Variants in CRYL1 observed in about 807,000 individuals in gnomAD.
CRYL1 encodes crystallin lambda 1.
CRYL1 carries 29 observed loss-of-function variants against 36.6 expected under a neutral mutation model. That is an observed-to-expected ratio of 0.79 (90% confidence interval 0.59 to 1.08). CRYL1 has a LOEUF of 1.08. Ranked by LOEUF, CRYL1 falls within the 50% of genes least tolerant of loss-of-function variation. The pLI is 0.00. For synonymous variants in CRYL1, 152 were observed against 151.5 expected (o/e 1.00, Z -0.02); for missense variants, 411 against 407.9 (o/e 1.01, Z -0.06).
intron 3 of CRYL1, among the ~76,000 whole-genome samples, chr13:20,482,557 G>A (rs1436294353): frequency 6.6e-6 from 1 of 152,208 alleles, no homozygotes; most frequent in Non-Finnish European, 1.5e-5. Flanking sequence ...TTTCTTTCTT[G>A]CGTGCTCCCG....
At chr13:20,523,995 C>T (rs746310003) in intron 1 of CRYL1, among the ~76,000 whole-genome samples, 7 of 152,182 alleles carry the variant, frequency 4.6e-5, no homozygotes, top group African/African-American at 9.7e-5. Context: ...CAAGGTGGCT[C>T]ACAACTGTAA....
intron 1 of CRYL1, among the ~76,000 whole-genome samples, chr13:20,516,594 C>A (rs2034002599): frequency 6.6e-6 from 1 of 152,042 alleles, no homozygotes; most frequent in Non-Finnish European, 1.5e-5. Context: ...ATTCTCCTGC[C>A]TCAGCCTCCC....
In CRYL1 at chr13:20,525,648, C is replaced by T. The variant is rs1035058750; in HGVS notation, c.41+106G>A. On this transcript the variant is annotated intron_variant, in intron 1 of 7. Coordinates refer to ENST00000298248, the MANE Select transcript of CRYL1 (RefSeq NM_015974.3). The surrounding 1 kb of genome is among the most constrained non-coding windows in gnomAD (Gnocchi z 4.3). The stretch of plus-strand genomic sequence containing the variant: ...GGCTTCGGAGGACCGGAGGCCGGGG[C>T]GGGGACAGCGACCCGGCGCCCACCC... 4.8e-5 allele frequency: 45 copies of T among 928,736 alleles called. No homozygotes were observed. Among genetic ancestry groups the T allele is most frequent in the Non-Finnish European group, 6.2e-5 (44 of 706,588 alleles). The allele number at this position is 928,736 out of a possible 1,614,324, so 57.5% of individuals were successfully genotyped here.
At chr13:20,499,383 T>C (rs1377261523) in intron 2 of CRYL1, among the ~76,000 whole-genome samples, 1 of 146,548 alleles carries the variant, frequency 6.8e-6, no homozygotes, top group Non-Finnish European at 1.5e-5. Flanking sequence ...GCGCAGTGGC[T>C]CATGCCTTTA....
Position 20,525,151 on chromosome 13 carries a change from T to G in CRYL1, c.41+603A>C, listed in dbSNP as rs143890141. Among the ~76,000 whole-genome samples the G allele has an allele frequency of 2.3e-3, 355 of 152,130 alleles. No individual in the cohort carries two copies. The highest frequency in any genetic ancestry group is 3.9e-3 in the Non-Finnish European group (267 of 67,960). On this transcript the variant is annotated intron_variant, in intron 1 of 7. Coordinates refer to ENST00000298248, the MANE Select transcript of CRYL1 (RefSeq NM_015974.3). This position sits in a 1 kb window ranked among gnomAD's most constrained non-coding sequence, Gnocchi z 4.3. ...TCTCTGGGCTCCATCGGCCCCCACC[T>G]CCCCTCTGGAAACATCGCCTCGCCC...
intron 2 of CRYL1, among the ~76,000 whole-genome samples, chr13:20,507,711 G>A (rs955588409): frequency 2.6e-5 from 4 of 152,236 alleles, no homozygotes; most frequent in Admixed American, 6.5e-5. Flanking sequence ...AAGGTCAGGA[G>A]ATCGAGACCA....
intron 5 of CRYL1, 87 bp downstream of exon 5, chr13:20,432,015 A>T: frequency 1.2e-6 from 2 of 1,604,448 alleles, no homozygotes; most frequent in Non-Finnish European, 8.5e-7. Flanking sequence ...CCAAGGAACA[A>T]CTTTCACTGT....
chr13:20,515,386 G>A (rs17052914), intron 1 of CRYL1, among the ~76,000 whole-genome samples: 3,776 of 152,182 alleles, frequency 0.025, 160 homozygotes, highest in African/African-American at 0.085. Context: ...CAACCAACTC[G>A]TGCCGTAAAA....
At chr13:20,452,330 A>G (rs2032588921) in intron 3 of CRYL1, among the ~76,000 whole-genome samples, 1 of 152,172 alleles carries the variant, frequency 6.6e-6, no homozygotes, top group Admixed American at 6.5e-5. Context: ...GATAGGTCAA[A>G]AGTAAAAGAA....
At chr13:20,452,904 G>A (rs1334868542) in intron 3 of CRYL1, among the ~76,000 whole-genome samples, 1 of 152,082 alleles carries the variant, frequency 6.6e-6, no homozygotes, top group Non-Finnish European at 1.5e-5. Flanking sequence ...CATATTTTGG[G>A]TATTAAATAC....
chr13:20,412,371 A>G (rs1273463829), intron 6 of CRYL1, among the ~76,000 whole-genome samples: 2 of 152,062 alleles, frequency 1.3e-5, no homozygotes, highest in African/African-American at 4.8e-5. Context: ...TGCATACAAT[A>G]TTTCTTTTCT....
At chr13:20,477,888 A>ATAAT (rs10630195) in intron 3 of CRYL1, among the ~76,000 whole-genome samples, 106,917 of 144,570 alleles carry the variant, frequency 0.74, 39,720 homozygotes, top group East Asian at 0.8. Flanking sequence ...ATATAATACT[A>ATAAT]TACTATAAAT....
At chr13:20,447,533 C>A (rs2032482709) in intron 3 of CRYL1, among the ~76,000 whole-genome samples, 1 of 151,872 alleles carries the variant, frequency 6.6e-6, no homozygotes, top group South Asian at 2.1e-4. Context: ...CCTCCCTAGG[C>A]TGACAAGTAT....
intron 3 of CRYL1, among the ~76,000 whole-genome samples, chr13:20,473,311 A>G (rs1284433704): frequency 6.6e-6 from 1 of 152,166 alleles, no homozygotes; most frequent in Non-Finnish European, 1.5e-5. Context: ...GGAGCGTCGG[A>G]CTTTAAGGAG....
intron 2 of CRYL1, among the ~76,000 whole-genome samples, chr13:20,498,278 C>T (rs1436919238): frequency 1.2e-5 from 1 of 85,738 alleles, no homozygotes; most frequent in Non-Finnish European, 2.6e-5. Context: ...ATACACACTA[C>T]ACACACACCA....
At chr13:20,519,951 C>T (rs1032443321) in intron 1 of CRYL1, among the ~76,000 whole-genome samples, 1 of 152,196 alleles carries the variant, frequency 6.6e-6, no homozygotes, top group Non-Finnish European at 1.5e-5. Context: ...AGTTTTAAAA[C>T]AGTCCATATC....
At chr13:20,459,821 A>G (rs1279758790) in intron 3 of CRYL1, among the ~76,000 whole-genome samples, 6 of 152,204 alleles carry the variant, frequency 3.9e-5, no homozygotes, top group African/African-American at 1.4e-4. Context: ...ACAAACCTGC[A>G]TATGTACCCC....
In CRYL1 at chr13:20,403,877, G is replaced by A; in HGVS notation, c.*252C>T. ...TGAAAAGAAAAGGTGAAAATCTCCAGGTTATCTGCCCAGGTGGCAGGAAAT... is the reference window on the plus strand; with the variant it reads ...TGAAAAGAAAAGGTGAAAATCTCCAAGTTATCTGCCCAGGTGGCAGGAAAT... On this transcript the variant is annotated 3_prime_UTR_variant, in exon 8 of 8. Coordinates refer to ENST00000298248, the MANE Select transcript of CRYL1 (RefSeq NM_015974.3). 2 of 341,728 alleles carry A rather than the reference G, an allele frequency of 5.9e-6. No homozygotes were observed. The highest frequency in any genetic ancestry group is 1.1e-5 in the Non-Finnish European group (2 of 189,722). The allele number at this position is 341,728 out of a possible 1,614,324, so 21.2% of individuals were successfully genotyped here. A position where few individuals can be genotyped will look rare whatever the true frequency, so the allele number is the denominator to read the frequency against.
At chr13:20,501,369 T>C (rs6490588) in intron 2 of CRYL1, among the ~76,000 whole-genome samples, 102,305 of 152,156 alleles carry the variant, frequency 0.67, 35,778 homozygotes, top group East Asian at 0.78. Context: ...TGAGCCACAC[T>C]GGACCCCTCT....
Sources: gnomAD v4.1 joint callset for allele counts (sites outside exome capture counted in the v4.1 genomes callset) on GRCh38, gnomAD v4.1.1 for gene constraint, Gnocchi (gnomAD v3.1) non-coding constraint, MANE v1.5 for transcripts, NCBI Gene and HGNC (gene_info 2026-07-23, HGNC 2026-07-21) for gene names.